ZMYM2: variants seen among roughly 807,000 people sequenced by gnomAD.
The protein encoded by ZMYM2 is zinc finger MYM-type containing 2, also known as zinc finger MYM-type protein 2.
In ZMYM2, 56 loss-of-function variants were observed where a neutral mutation model predicts 162.8. That is an observed-to-expected ratio of 0.34 (90% confidence interval 0.28 to 0.43). ZMYM2 has a LOEUF of 0.43. ZMYM2 is among the 20% of genes least tolerant of loss of function. The pLI is 1.00. For synonymous variants in ZMYM2, 510 were observed against 541.6 expected, an observed-to-expected ratio of 0.94 and a Z score of 0.81; for missense variants, 1,275 against 1,621.8, an observed-to-expected ratio of 0.79 and a Z score of 3.67.
At chr13:20,085,474 T>G (rs1409295431) in intron 24 of ZMYM2, among the ~76,000 whole-genome samples, 1 of 152,226 alleles carries the variant, frequency 6.6e-6, no homozygotes, top group Non-Finnish European at 1.5e-5. Flanking sequence ...TCTAAGACAT[T>G]TTCACATTTC....
chr13:19,866,993 A>G, the ZMYM2 span, among the ~76,000 whole-genome samples: 2 of 152,330 alleles, frequency 1.3e-5, no homozygotes, highest in South Asian at 4.1e-4. Context: ...TAATTCTTGG[A>G]GTTAATATGT....
At chr13:19,950,622 C>T in the ZMYM2 span, among the ~76,000 whole-genome samples, 2 of 152,196 alleles carry the variant, frequency 1.3e-5, no homozygotes, top group Non-Finnish European at 2.9e-5. Flanking sequence ...CCTCTCTGAC[C>T]ACGTAGCAGC....
intron 21 of ZMYM2, among the ~76,000 whole-genome samples, chr13:20,069,861 G>A (rs1956949955): frequency 6.6e-6 from 1 of 151,854 alleles, no homozygotes; most frequent in Non-Finnish European, 1.5e-5. Flanking sequence ...AGTGATCAGA[G>A]TATTATTTAT....
chr13:19,971,881 CTA>C (rs969940082), intron 2 of ZMYM2, among the ~76,000 whole-genome samples: 1 of 151,630 alleles, frequency 6.6e-6, no homozygotes, highest in South Asian at 2.1e-4. Flanking sequence ...AAAAAAAAAA[CTA>C]GATGTAGAGA....
At chr13:20,034,568 T>A (rs1337841333) in intron 11 of ZMYM2, among the ~76,000 whole-genome samples, 164 bp downstream of exon 11, 1 of 152,236 alleles carries the variant, frequency 6.6e-6, no homozygotes, top group African/African-American at 2.4e-5. Context: ...TGTTTGTAGA[T>A]CTGGGCTTCA....
chr13:19,910,535 T>G, the ZMYM2 span, among the ~76,000 whole-genome samples: 1 of 143,230 alleles, frequency 7.0e-6, no homozygotes, highest in African/African-American at 2.5e-5. Context: ...TCTCTCTCTC[T>G]TTTTTTTTTT....
intron 21 of ZMYM2, among the ~76,000 whole-genome samples, chr13:20,068,848 T>C (rs990686948): frequency 6.6e-6 from 1 of 152,310 alleles, no homozygotes; most frequent in Non-Finnish European, 1.5e-5. Flanking sequence ...AGTTCTAGGC[T>C]CCTCTTGTTT....
At chr13:19,994,814 C>T (rs1949895878) in intron 3 of ZMYM2, among the ~76,000 whole-genome samples, 1 of 151,778 alleles carries the variant, frequency 6.6e-6, no homozygotes, top group South Asian at 2.1e-4. Flanking sequence ...TCTACTTTCC[C>T]TGTGCTTATT....
chr13:19,872,870 A>G, the ZMYM2 span, among the ~76,000 whole-genome samples: 1 of 151,546 alleles, frequency 6.6e-6, no homozygotes, highest in Non-Finnish European at 1.5e-5. Flanking sequence ...ATGGTGGTGC[A>G]TGCCTGGAAT....
At chr13:20,010,353 G>A (rs948673251) in intron 6 of ZMYM2, among the ~76,000 whole-genome samples, 10 of 151,846 alleles carry the variant, frequency 6.6e-5, no homozygotes, top group African/African-American at 2.4e-4. Context: ...GGGCCACTAC[G>A]CCTGTCTAAT....
chr13:20,072,230 T>G (rs193218635), intron 21 of ZMYM2: 6 of 152,506 alleles, frequency 3.9e-5, no homozygotes, highest in Admixed American at 3.9e-4. Flanking sequence ...CTTCATAAAA[T>G]GAGTTGGGGC....
chr13:19,864,120 C>T, the ZMYM2 span: 1 of 152,464 alleles, frequency 6.6e-6, no homozygotes, highest in Admixed American at 6.5e-5. Context: ...TGCCCCAGCG[C>T]CCTCCCTGTC....
chr13:19,892,780 TG>T, the ZMYM2 span, among the ~76,000 whole-genome samples: 3 of 151,148 alleles, frequency 2.0e-5, no homozygotes, highest in East Asian at 5.9e-4. Context: ...AGTGGTGTAA[TG>T]TCAGCTCACT....
upstream of ZMYM2, among the ~76,000 whole-genome samples, chr13:19,958,467 G>A (rs1954716131): frequency 6.6e-6 from 1 of 152,142 alleles, no homozygotes; most frequent in Non-Finnish European, 1.5e-5. Context: ...CGGTGGGTGG[G>A]GGCGGGGGAC....
At chr13:20,052,394 T>C in intron 14 of ZMYM2, 83 bp downstream of exon 14, 8 of 1,331,384 alleles carry the variant, frequency 6.0e-6, no homozygotes, top group Non-Finnish European at 8.1e-6. Context: ...AATGTGATCA[T>C]AATAGTAATT....
intron 22 of ZMYM2, 40 bp from the exon 23 acceptor site, chr13:20,082,741 A>G: frequency 1.4e-6 from 2 of 1,443,960 alleles, no homozygotes; most frequent in Non-Finnish European, 1.8e-6. Context: ...GAAAACTTTT[A>G]TTTATTATAA....
At chr13:19,880,495 C>G in the ZMYM2 span, among the ~76,000 whole-genome samples, 1 of 152,160 alleles carries the variant, frequency 6.6e-6, no homozygotes, top group Admixed American at 6.5e-5. Context: ...GTGCCGCGAT[C>G]TCGGCTCACC....
At chr13:20,036,552 A>T (rs1953720771) in intron 11 of ZMYM2, among the ~76,000 whole-genome samples, 185 bp from the exon 12 acceptor site, 2 of 152,198 alleles carry the variant, frequency 1.3e-5, no homozygotes, top group Non-Finnish European at 2.9e-5. Flanking sequence ...CACATGTTAG[A>T]TAATATGTTA....
At chr13:20,004,863 A>G (rs1267281072) in intron 4 of ZMYM2, among the ~76,000 whole-genome samples, 1 of 152,208 alleles carries the variant, frequency 6.6e-6, no homozygotes, top group Non-Finnish European at 1.5e-5. Context: ...AGTAGCGGCA[A>G]AGATTTAATA....
Sources: gnomAD v4.1 joint callset for allele counts (sites outside exome capture counted in the v4.1 genomes callset) on GRCh38, gnomAD v4.1.1 for gene constraint, MANE v1.5 for transcripts, NCBI Gene and HGNC (gene_info 2026-07-23, HGNC 2026-07-21) for gene names.